The following FARP1 variants were observed in gnomAD, a reference collection of about 807,000 sequenced individuals.
FARP1 encodes the protein FERM, ARH/RhoGEF and pleckstrin domain protein 1, also known as FERM, ARHGEF and pleckstrin domain-containing protein 1.
In FARP1, 52 loss-of-function variants were observed where a neutral mutation model predicts 128.8. The ratio of observed to expected loss-of-function variants is 0.40; its 90% CI spans 0.32 to 0.51. FARP1 has a LOEUF of 0.51. Ranked by LOEUF, FARP1 falls within the 20% of genes least tolerant of loss-of-function variation. The pLI is 0.45. For synonymous variants in FARP1, 580 were observed against 551.8 expected (o/e 1.05, Z -0.72); for missense variants, 1,333 against 1,367.9 (o/e 0.97, Z 0.40).
chr13:98,352,768 C>T (rs1271687827), intron 3 of FARP1, among the ~76,000 whole-genome samples: 2 of 152,286 alleles, frequency 1.3e-5, no homozygotes, highest in East Asian at 3.9e-4. Flanking sequence ...GTAGAAACTA[C>T]AGGGAAGATG....
chr13:98,304,551 C>T (rs1228835998), intron 2 of FARP1, among the ~76,000 whole-genome samples: 1 of 152,164 alleles, frequency 6.6e-6, no homozygotes, highest in Non-Finnish European at 1.5e-5. Flanking sequence ...CGGTACAGGC[C>T]TGGAGCCTGG....
chr13:98,356,857 A>G (rs1279516108), intron 3 of FARP1, among the ~76,000 whole-genome samples: 4 of 151,640 alleles, frequency 2.6e-5, no homozygotes, highest in Non-Finnish European at 5.9e-5. Flanking sequence ...CTGGTCGCGA[A>G]CTCCTGACCT....
At chr13:98,307,564 C>G (rs1442347463) in intron 2 of FARP1, among the ~76,000 whole-genome samples, 1 of 152,128 alleles carries the variant, frequency 6.6e-6, no homozygotes, top group Non-Finnish European at 1.5e-5. Context: ...GAGATTTCCA[C>G]CGCAGGCTCA....
Position 98,446,775 on chromosome 13 carries a change from A to C in FARP1, c.3014A>C (p.His1005Pro). ...GTGTTCAAGCTGCACTTCAAGTCCC[A>C]CGTCTACTACTTCAGGGCGGAAAGC... is the stretch of plus-strand genomic sequence containing the variant. Reference protein sequence around the residue: ...DYVFKLHFKSHVYYFRAESEY... With the variant: ...DYVFKLHFKSPVYYFRAESEY... The change falls in exon 26 of 27, where the codon CAC becomes CCC. Residue 1005 changes from histidine to proline, a missense_variant. By Grantham distance (77) the His-to-Pro change is moderately conservative. Coordinates refer to ENST00000319562, the MANE Select transcript of FARP1 (RefSeq NM_005766.4). 2 of 1,614,144 alleles carry C rather than the reference A, an allele frequency of 1.2e-6. No individual in the cohort carries two copies.
At chr13:98,289,526 G>T (rs1885351867) in intron 2 of FARP1, among the ~76,000 whole-genome samples, 1 of 152,136 alleles carries the variant, frequency 6.6e-6, no homozygotes, top group Admixed American at 6.5e-5. Flanking sequence ...TCTTCAGCTG[G>T]GCAGCATTCT....
intron 2 of FARP1, among the ~76,000 whole-genome samples, chr13:98,215,781 A>AT (rs1318449184): frequency 6.6e-6 from 1 of 150,840 alleles, no homozygotes; most frequent in Non-Finnish European, 1.5e-5. Flanking sequence ...TCCTCCATTC[A>AT]TATTTTTCTT....
At chr13:98,427,512 G>A (rs1003758673) in intron 17 of FARP1, among the ~76,000 whole-genome samples, 1 of 152,188 alleles carries the variant, frequency 6.6e-6, no homozygotes, top group African/African-American at 2.4e-5. Context: ...GGGCCTTTGG[G>A]GACAGCAGCA....
chr13:98,194,919 G>T (rs1879476343), intron 1 of FARP1, among the ~76,000 whole-genome samples: 1 of 152,216 alleles, frequency 6.6e-6, no homozygotes, highest in South Asian at 2.1e-4. Context: ...ATTTTCTGCA[G>T]AGTTTTTATT....
chr13:98,207,103 G>A (rs984886056), intron 1 of FARP1, among the ~76,000 whole-genome samples: 1 of 152,252 alleles, frequency 6.6e-6, no homozygotes, highest in South Asian at 2.1e-4. Flanking sequence ...TTCCCTTAGC[G>A]TTCTTAGGAT....
At chr13:98,393,376 T>C (rs1386518092) in intron 11 of FARP1, among the ~76,000 whole-genome samples, 1 of 152,202 alleles carries the variant, frequency 6.6e-6, no homozygotes, top group African/African-American at 2.4e-5. Flanking sequence ...AGTTGCTAAA[T>C]GTTTCTTCAC....
chr13:98,156,266 T>G (rs1163638389), intron 1 of FARP1, among the ~76,000 whole-genome samples: 1 of 152,212 alleles, frequency 6.6e-6, no homozygotes, highest in Non-Finnish European at 1.5e-5. Context: ...ATAAAAGACT[T>G]AAGACATGGT....
chr13:98,232,108 G>A (rs567580695), intron 2 of FARP1, among the ~76,000 whole-genome samples: 1 of 148,796 alleles, frequency 6.7e-6, no homozygotes, highest in South Asian at 2.1e-4. Context: ...GGGATTACAG[G>A]CATGAGCCAC....
At chr13:98,262,759 G>C (rs1307794435) in intron 2 of FARP1, among the ~76,000 whole-genome samples, 2 of 152,096 alleles carry the variant, frequency 1.3e-5, no homozygotes, top group Non-Finnish European at 2.9e-5. Flanking sequence ...AATGGAAATA[G>C]AGCCAGTAAT....
At chr13:98,422,905 A>G (rs1396694098) in intron 16 of FARP1, among the ~76,000 whole-genome samples, 1 of 152,166 alleles carries the variant, frequency 6.6e-6, no homozygotes, top group Admixed American at 6.5e-5. Flanking sequence ...CTAATAGGAT[A>G]GATGTATATA....
chr13:98,197,197 T>C (rs1594257635), intron 1 of FARP1, among the ~76,000 whole-genome samples: 1 of 152,212 alleles, frequency 6.6e-6, no homozygotes, highest in South Asian at 2.1e-4. Context: ...CCAGGCGTGG[T>C]GGCTCACGCC....
intron 1 of FARP1, among the ~76,000 whole-genome samples, chr13:98,207,009 G>A (rs1880312953): frequency 1.3e-5 from 2 of 152,180 alleles, no homozygotes; most frequent in Non-Finnish European, 1.5e-5. Flanking sequence ...CTGGAAGACG[G>A]CATTTTATTA....
At chr13:98,382,411 A>G (rs1476312130) in intron 6 of FARP1, 1 of 152,234 alleles carries the variant, frequency 6.6e-6, no homozygotes, top group African/African-American at 2.4e-5. Flanking sequence ...AAAGAGAATT[A>G]GACGTCTCCA....
chr13:98,428,556 C>T (rs777607815), intron 17 of FARP1, among the ~76,000 whole-genome samples: 15 of 152,226 alleles, frequency 9.9e-5, no homozygotes, highest in Non-Finnish European at 2.2e-4. Flanking sequence ...CAGCGCAAAG[C>T]CCTCCTGGTT....
chr13:98,338,779 G>T (rs1277316401), intron 2 of FARP1: 1 of 152,198 alleles, frequency 6.6e-6, no homozygotes, highest in Admixed American at 6.5e-5. Flanking sequence ...ATGTGACGTG[G>T]AGCAGAATTA....
Sources: allele counts gnomAD v4.1 joint callset (sites outside exome capture counted in the v4.1 genomes callset), GRCh38; gene constraint gnomAD v4.1.1; transcripts MANE v1.5; gene names NCBI Gene and HGNC (gene_info 2026-07-23, HGNC 2026-07-21).